Variants in SIK3 observed in about 807,000 individuals in gnomAD.
SIK3 encodes the protein SIK family kinase 3.
SIK3 carries 28 observed loss-of-function variants against 144.2 expected under a neutral mutation model. The observed-to-expected ratio is 0.19, with a 90% CI of 0.14 to 0.27. The LOEUF (loss-of-function observed/expected upper bound fraction) is 0.27, where lower values mean the gene tolerates loss of function less well. SIK3 is among the 10% of genes least tolerant of loss of function. SIK3 has a pLI of 1.00. For synonymous variants in SIK3, 686 were observed against 676.3 expected (o/e 1.01, Z -0.22); for missense variants, 1,319 against 1,776.0 (o/e 0.74, Z 4.62).
chr11:116,852,195 G>A (rs532295365), intron 21 of SIK3, among the ~76,000 whole-genome samples: 8 of 152,324 alleles, frequency 5.3e-5, no homozygotes, highest in East Asian at 1.9e-4. Context: ...TTTGTTTGCT[G>A]TGTCTTTTAA....
chr11:116,991,114 T>A (rs150663585), intron 1 of SIK3, among the ~76,000 whole-genome samples: 1 of 152,316 alleles, frequency 6.6e-6, no homozygotes, highest in East Asian at 1.9e-4. Context: ...AGTGGGAGAC[T>A]AAGGATTTAA....
At chr11:116,866,885 A>G (rs1180125833) in intron 15 of SIK3, among the ~76,000 whole-genome samples, 1 of 152,186 alleles carries the variant, frequency 6.6e-6, no homozygotes, top group Non-Finnish European at 1.5e-5. Flanking sequence ...AGTTACTCAT[A>G]GTCATTTATG....
intron 3 of SIK3, among the ~76,000 whole-genome samples, chr11:116,929,105 C>G (rs1947452248): frequency 6.6e-6 from 1 of 152,148 alleles, no homozygotes; most frequent in South Asian, 2.1e-4. Flanking sequence ...AGTAACTTAA[C>G]AGAAGCTGTG....
At chr11:116,933,654 C>T (rs12272491) in intron 3 of SIK3, among the ~76,000 whole-genome samples, 11,024 of 152,162 alleles carry the variant, frequency 0.072, 492 homozygotes, top group Middle Eastern at 0.11. Context: ...CTCTCTCTCT[C>T]TCAAGAGACA....
intron 1 of SIK3, among the ~76,000 whole-genome samples, chr11:117,060,533 T>C (rs1029293599): frequency 2.7e-5 from 4 of 148,544 alleles, no homozygotes; most frequent in Non-Finnish European, 6.0e-5. Context: ...AGAGGCAGAG[T>C]TTGCAGTGAG....
chr11:116,904,140 C>T (rs1258290415), intron 4 of SIK3, among the ~76,000 whole-genome samples: 1 of 152,052 alleles, frequency 6.6e-6, no homozygotes, highest in Non-Finnish European at 1.5e-5. Flanking sequence ...GATCTTCTAA[C>T]AAACCAAAGG....
intron 4 of SIK3, among the ~76,000 whole-genome samples, chr11:116,900,659 A>G (rs72645460): frequency 0.14 from 21,454 of 152,052 alleles, 2,223 homozygotes; most frequent in East Asian, 0.52. Flanking sequence ...TCCTCTCTGT[A>G]CCATGCCTTT....
At chr11:116,893,186 C>A (rs1439425613) in intron 6 of SIK3, among the ~76,000 whole-genome samples, 5 of 152,168 alleles carry the variant, frequency 3.3e-5, no homozygotes, top group Non-Finnish European at 7.4e-5. Context: ...TGAGAGAAAA[C>A]CCAAATGTAA....
intron 21 of SIK3, among the ~76,000 whole-genome samples, chr11:116,853,234 A>C (rs550421344): frequency 3.3e-4 from 50 of 152,198 alleles, no homozygotes; most frequent in Non-Finnish European, 6.0e-4. Flanking sequence ...TGAGTCTAGA[A>C]GTCCTTTGTG....
At chr11:116,932,292 A>G (rs946563667) in intron 3 of SIK3, among the ~76,000 whole-genome samples, 12 of 152,214 alleles carry the variant, frequency 7.9e-5, no homozygotes, top group Non-Finnish European at 2.9e-5. Context: ...TGAGATAATT[A>G]TAGATTCACA....
intron 1 of SIK3, among the ~76,000 whole-genome samples, chr11:117,051,175 AT>A (rs1953222952): frequency 6.6e-6 from 1 of 152,210 alleles, no homozygotes; most frequent in Non-Finnish European, 1.5e-5. Context: ...TGGGATATCC[AT>A]CTTCTCCCAC....
At position 116,847,604 on chromosome 11, in the gene SIK3, T is replaced by G. The variant is rs762317643; in HGVS notation, c.3824A>C (p.Gln1275Pro). The G allele has an allele frequency of 6.2e-7, 1 of 1,614,192 alleles. No homozygotes were observed. The highest frequency in any genetic ancestry group is 2.2e-5 in the East Asian group (1 of 44,876). The change falls in exon 23 of 25, where the codon CAG (glutamine) becomes CCG (proline). Residue 1275 changes from glutamine (Q) to proline (P), a missense_variant. Physicochemically the swap from Gln to Pro is moderately conservative, Grantham distance 76 (BLOSUM62 -1). Transcript: ENST00000445177. ...TIQNSDDAYV[Q>P]LDNLPGMSLV... ...ACTCATTCCTGGCAAGTTATCCAGC[T>G]GTACCTGCAGAAAACAGTTAAGAGA...
intron 6 of SIK3, among the ~76,000 whole-genome samples, chr11:116,892,590 G>A (rs564622746): frequency 1.4e-4 from 22 of 152,312 alleles, no homozygotes; most frequent in East Asian, 3.9e-4. Flanking sequence ...AGGATGTGGC[G>A]CAGCAGAAGC....
rs1054567804 is a variant in SIK3, at chr11:117,054,931, TA to T, written c.273+43211del. On this transcript the variant is annotated intron_variant, in intron 1 of 24. Transcript: ENST00000445177. Reference sequence around the variant, plus strand: ...ACAGGACAAAAAGGGGATCAGCATTTAAAAGGAATAATAATAATAGCAACTA... The same window carrying T: ...ACAGGACAAAAAGGGGATCAGCATTTAAAGGAATAATAATAATAGCAACTA... Among the ~76,000 whole-genome samples the T allele has an allele frequency of 7.2e-5, 11 of 152,204 alleles. 1 individual carries two copies. The highest frequency in any genetic ancestry group is 1.2e-4 in the Non-Finnish European group (8 of 68,030).
At position 117,085,180 on chromosome 11, in the gene SIK3, T is replaced by C. The variant is rs549977639; in HGVS notation, c.273+12963A>G. ...AGGCTGGAATGCAGTGGCGCAACCA[T>C]AGTTTACTGCACTGTAATCTGGAAC... On this transcript the variant is annotated intron_variant, in intron 1 of 24. Coordinates refer to ENST00000445177, the MANE Select transcript of SIK3 (RefSeq NM_001366686.3). 7.2e-4 allele frequency among the ~76,000 whole-genome samples: 110 copies of C among 152,176 alleles called. 1 individual carries two copies. Among genetic ancestry groups the C allele is most frequent in the African/African-American group, 2.5e-3 (103 of 41,510 alleles).
At chr11:117,060,258 C>T (rs900311407) in intron 1 of SIK3, among the ~76,000 whole-genome samples, 3 of 152,136 alleles carry the variant, frequency 2.0e-5, no homozygotes, top group Non-Finnish European at 4.4e-5. Context: ...AGGCTACATG[C>T]AATAATGCCA....
chr11:116,907,719 C>G (rs1946118870), intron 4 of SIK3, among the ~76,000 whole-genome samples: 1 of 152,192 alleles, frequency 6.6e-6, no homozygotes, highest in South Asian at 2.1e-4. Context: ...TTGACTGCCA[C>G]CCTTTGCTCT....
intron 1 of SIK3, among the ~76,000 whole-genome samples, chr11:116,993,478 C>T (rs968179650): frequency 2.0e-5 from 3 of 152,042 alleles, no homozygotes; most frequent in Non-Finnish European, 2.9e-5. Flanking sequence ...TGGATGAAAC[C>T]CTGTTATAAC....
At chr11:117,012,827 G>T (rs945869515) in intron 1 of SIK3, among the ~76,000 whole-genome samples, 10 of 133,916 alleles carry the variant, frequency 7.5e-5, no homozygotes, top group African/African-American at 2.3e-4. Flanking sequence ...AATTCTTAGG[G>T]TTTTTTTTTT....
Sources: allele counts gnomAD v4.1 joint callset (sites outside exome capture counted in the v4.1 genomes callset), GRCh38; gene constraint gnomAD v4.1.1; transcripts MANE v1.5; gene names NCBI Gene and HGNC (gene_info 2026-07-23, HGNC 2026-07-21).